Variants in SMIM36 observed in about 807,000 individuals in gnomAD.
SMIM36 encodes small integral membrane protein 36.
At chr17:55,477,529 C>T (rs1417257977) in intron 3 of SMIM36, among the ~76,000 whole-genome samples, 1 of 152,086 alleles carries the variant, frequency 6.6e-6, no homozygotes, top group Non-Finnish European at 1.5e-5. Context: ...CCTATTTTAA[C>T]TTGATTACCT....
chr17:55,472,161 T>A (rs1909349688), intron 3 of SMIM36, among the ~76,000 whole-genome samples: 2 of 152,174 alleles, frequency 1.3e-5, no homozygotes, highest in Admixed American at 6.5e-5. Flanking sequence ...ATATTTCTAT[T>A]CTTCCAATTC....
chr17:55,489,725 G>A (rs922285682), intron 1 of SMIM36, among the ~76,000 whole-genome samples: 35 of 152,296 alleles, frequency 2.3e-4, no homozygotes, highest in Non-Finnish European at 4.4e-4. Flanking sequence ...ATTGGTTCAT[G>A]TGTCTCCCTC....
chr17:55,515,779 C>A (rs758452412), upstream of SMIM36, among the ~76,000 whole-genome samples: 2 of 152,222 alleles, frequency 1.3e-5, no homozygotes, highest in Non-Finnish European at 2.9e-5. Flanking sequence ...TCAGTCTCCA[C>A]AACTGTGAGA....
At chr17:55,454,883 T>C (rs1267800873) in intron 4 of SMIM36, among the ~76,000 whole-genome samples, 2 of 151,990 alleles carry the variant, frequency 1.3e-5, no homozygotes, top group Non-Finnish European at 2.9e-5. Flanking sequence ...AATGACCATA[T>C]TTTTTTTCAT....
upstream of SMIM36, among the ~76,000 whole-genome samples, chr17:55,512,759 T>C (rs990289176): frequency 3.3e-5 from 5 of 152,242 alleles, no homozygotes; most frequent in African/African-American, 9.6e-5. Context: ...CTTGGTCTCA[T>C]ATATGTATTT....
intron 4 of SMIM36, among the ~76,000 whole-genome samples, chr17:55,465,357 C>A (rs1909217874): frequency 6.6e-6 from 1 of 152,124 alleles, no homozygotes; most frequent in Admixed American, 6.5e-5. Flanking sequence ...ATAATAGTAT[C>A]TATTTCATGG....
the SMIM36 span, among the ~76,000 whole-genome samples, chr17:55,526,518 T>C: frequency 6.6e-6 from 1 of 152,108 alleles, no homozygotes; most frequent in East Asian, 1.9e-4. Context: ...AGAGGTACTA[T>C]GCAGTTTGTC....
chr17:55,452,969 C>G (rs1908946634), intron 4 of SMIM36, among the ~76,000 whole-genome samples: 1 of 152,164 alleles, frequency 6.6e-6, no homozygotes, highest in South Asian at 2.1e-4. Flanking sequence ...GACACTCTTA[C>G]CACATCCTTT....
the SMIM36 span, among the ~76,000 whole-genome samples, chr17:55,519,183 G>A: frequency 7.4e-3 from 1,129 of 152,278 alleles, 18 homozygotes; most frequent in African/African-American, 0.025. Flanking sequence ...GACATGGGTT[G>A]TCATGAATTT....
intron 3 of SMIM36, among the ~76,000 whole-genome samples, chr17:55,476,505 G>A (rs938681862): frequency 1.2e-4 from 18 of 152,046 alleles, no homozygotes; most frequent in African/African-American, 2.9e-4. Flanking sequence ...ACACGGACAC[G>A]CATAATAGGC....
chr17:55,482,866 A>C (rs1044593378), intron 1 of SMIM36, among the ~76,000 whole-genome samples: 1 of 152,232 alleles, frequency 6.6e-6, no homozygotes, highest in African/African-American at 2.4e-5. Flanking sequence ...ACCTGAGAGT[A>C]AAGGCATCTG....
chr17:55,463,661 A>G (rs756840940), intron 4 of SMIM36, among the ~76,000 whole-genome samples: 2 of 152,236 alleles, frequency 1.3e-5, no homozygotes, highest in Non-Finnish European at 2.9e-5. Flanking sequence ...TAAAGGGTAG[A>G]CAAATATAAT....
chr17:55,458,691 T>C (rs1909077568), intron 4 of SMIM36, among the ~76,000 whole-genome samples: 1 of 151,276 alleles, frequency 6.6e-6, no homozygotes, highest in African/African-American at 2.4e-5. Flanking sequence ...GCATGCCTCC[T>C]CTGCGGCCGA....
intron 1 of SMIM36, among the ~76,000 whole-genome samples, chr17:55,488,881 T>A (rs1909653274): frequency 7.5e-6 from 1 of 134,086 alleles, no homozygotes; most frequent in African/African-American, 2.9e-5. Context: ...GGTAGCAGTA[T>A]AAGAGTACTC....
At chr17:55,472,237 A>G (rs1909350782) in intron 3 of SMIM36, among the ~76,000 whole-genome samples, 1 of 152,224 alleles carries the variant, frequency 6.6e-6, no homozygotes, top group Non-Finnish European at 1.5e-5. Context: ...TTCACCAGCT[A>G]AAGCTGGATA....
intron 3 of SMIM36, among the ~76,000 whole-genome samples, chr17:55,470,941 CCAGAAACTGGACAAGTCTTA>C (rs1909331519): frequency 6.6e-6 from 1 of 152,166 alleles, no homozygotes; most frequent in African/African-American, 2.4e-5. Flanking sequence ...TCCTACCCGT[CCAGAAACTGGACAAGTCTTA>C]CAGGTTGGTT....
At chr17:55,476,797 C>G (rs961641662) in intron 3 of SMIM36, among the ~76,000 whole-genome samples, 4 of 152,146 alleles carry the variant, frequency 2.6e-5, no homozygotes, top group Non-Finnish European at 4.4e-5. Flanking sequence ...GAACTCCTGA[C>G]CTTAAGTGAT....
intron 3 of SMIM36, among the ~76,000 whole-genome samples, chr17:55,477,605 C>G (rs978270233): frequency 6.6e-6 from 1 of 152,098 alleles, no homozygotes; most frequent in Non-Finnish European, 1.5e-5. Flanking sequence ...CTCAACATAT[C>G]TTTTTAGGGA....
rs189776071 is a variant in SMIM36, at chr17:55,471,056, C to G, written c.*348-3728G>C. 3.0e-3 allele frequency among the ~76,000 whole-genome samples: 461 copies of G among 152,206 alleles called. 5 individuals carry two copies. The highest frequency in any genetic ancestry group is 2.2e-3 in the Non-Finnish European group (150 of 68,008). On this transcript the variant is annotated intron_variant, in intron 3 of 4. Coordinates refer to ENST00000636752, the Ensembl canonical transcript of SMIM36. ...GTACACCCTCCTATCTTCAATACCC[C>G]CTCCCACAACTCACTATTCTGTTAT...
Sources: allele counts gnomAD v4.1 joint callset (sites outside exome capture counted in the v4.1 genomes callset), GRCh38; gene constraint gnomAD v4.1.1; transcripts MANE v1.5; gene names NCBI Gene and HGNC (gene_info 2026-07-23, HGNC 2026-07-21).